The following ERC2 variants were observed in gnomAD, a reference collection of about 807,000 sequenced individuals.
ERC2 encodes ERC protein 2.
A neutral mutation model predicts 114.8 loss-of-function variants in ERC2; 42 were observed. The observed-to-expected ratio is 0.37, with a 90% CI of 0.29 to 0.47. The LOEUF (loss-of-function observed/expected upper bound fraction) is 0.47, where lower values mean the gene tolerates loss of function less well. Ranked by LOEUF, ERC2 falls within the 20% of genes least tolerant of loss-of-function variation. The pLI, the probability that ERC2 is intolerant of heterozygous loss-of-function variation, is 0.99. For missense variants in ERC2, 939 were observed against 1,150.7 expected (o/e 0.82, Z 2.66); for synonymous variants, 454 against 425.5 (o/e 1.07, Z -0.82).
chr3:56,246,093 TAAAAAA>T (rs34868223), intron 3 of ERC2, among the ~76,000 whole-genome samples: 1 of 127,620 alleles, frequency 7.8e-6, no homozygotes, highest in African/African-American at 2.8e-5. Flanking sequence ...TCAGATTCTT[TAAAAAA>T]AAAAAAAAAA....
chr3:56,334,811 G>C (rs1029743798), intron 2 of ERC2, among the ~76,000 whole-genome samples: 7 of 152,070 alleles, frequency 4.6e-5, no homozygotes, highest in African/African-American at 1.7e-4. Flanking sequence ...TTGTTTGTTT[G>C]TTTGTTTGTT....
At chr3:55,995,740 A>G (rs1328702968) in intron 10 of ERC2, among the ~76,000 whole-genome samples, 1 of 152,176 alleles carries the variant, frequency 6.6e-6, no homozygotes, top group East Asian at 1.9e-4. Context: ...CTGAGTCACA[A>G]CTTTTCAGAG....
At chr3:55,952,176 C>CTATATATAT (rs1324752720) in intron 12 of ERC2, among the ~76,000 whole-genome samples, 40 of 44,982 alleles carry the variant, frequency 8.9e-4, no homozygotes, top group South Asian at 2.2e-3. Context: ...CACACACACA[C>CTATATATAT]ACACTCTCTC....
intron 2 of ERC2, among the ~76,000 whole-genome samples, chr3:56,329,790 T>G (rs2057521343): frequency 1.2e-5 from 1 of 82,496 alleles, no homozygotes; most frequent in Non-Finnish European, 3.1e-5. Context: ...GTATTTCCAC[T>G]ATATATATAT....
chr3:56,349,590 G>A lies in ERC2; in HGVS notation c.658-53155C>T, dbSNP rs374833064. The stretch of plus-strand genomic sequence containing the variant: ...CAGGGCCTACTTGAGGGTTGAGGGT[G>A]GGAGGAGGATGAGGATCGAAAAACT... On this transcript the variant is annotated intron_variant, in intron 2 of 17. Transcript: ENST00000288221. 1.5e-4 allele frequency among the ~76,000 whole-genome samples: 23 copies of A among 152,322 alleles called. No homozygotes were observed. In the East Asian group the frequency reaches 2.9e-3, roughly 19 times the overall value.
At chr3:55,663,985 C>G (rs2061250074) in intron 17 of ERC2, among the ~76,000 whole-genome samples, 1 of 152,174 alleles carries the variant, frequency 6.6e-6, no homozygotes, top group African/African-American at 2.4e-5. Flanking sequence ...AGATGCTCAG[C>G]CACTAACTCA....
intron 15 of ERC2, among the ~76,000 whole-genome samples, chr3:55,731,204 C>A (rs1348852253): frequency 6.6e-6 from 1 of 152,170 alleles, no homozygotes; most frequent in Non-Finnish European, 1.5e-5. Flanking sequence ...GAGAGGAGGA[C>A]CAGGAAGCTT....
intron 14 of ERC2, among the ~76,000 whole-genome samples, chr3:55,737,725 G>T (rs2065725977): frequency 6.6e-6 from 1 of 152,144 alleles, no homozygotes. Flanking sequence ...TATGTTTGTT[G>T]AGAAACAATT....
At chr3:56,281,456 A>AAAAAAAAAT (rs2054343017) in intron 3 of ERC2, among the ~76,000 whole-genome samples, 1 of 149,232 alleles carries the variant, frequency 6.7e-6, no homozygotes, top group Non-Finnish European at 1.5e-5. Flanking sequence ...AAAAAAAAAA[A>AAAAAAAAAT]AAAAGTATAG....
intron 3 of ERC2, among the ~76,000 whole-genome samples, chr3:56,176,023 T>C (rs981114022): frequency 6.6e-6 from 1 of 152,202 alleles, no homozygotes; most frequent in Non-Finnish European, 1.5e-5. Context: ...AAAAATCTAC[T>C]TGGTCCTCAA....
chr3:55,637,067 A>T (rs2059988041), intron 17 of ERC2, among the ~76,000 whole-genome samples: 1 of 152,050 alleles, frequency 6.6e-6, no homozygotes, highest in Non-Finnish European at 1.5e-5. Context: ...TCTCCTGGGG[A>T]CTGGCCCATC....
intron 6 of ERC2, among the ~76,000 whole-genome samples, chr3:56,121,595 T>G (rs1036430913): frequency 2.0e-5 from 3 of 152,200 alleles, no homozygotes; most frequent in African/African-American, 7.2e-5. Context: ...TCTGTGCAGT[T>G]AAATATTTTT....
chr3:56,195,044 G>C (rs2048012436), intron 3 of ERC2, among the ~76,000 whole-genome samples: 1 of 152,152 alleles, frequency 6.6e-6, no homozygotes, highest in South Asian at 2.1e-4. Flanking sequence ...TTACAAATTA[G>C]ACACAGTAAG....
intron 2 of ERC2, among the ~76,000 whole-genome samples, chr3:56,334,064 A>G (rs1024405223): frequency 1.3e-5 from 2 of 152,212 alleles, no homozygotes; most frequent in Admixed American, 6.5e-5. Context: ...AAAAGCAACC[A>G]TCTAGTGGAC....
intron 3 of ERC2, among the ~76,000 whole-genome samples, chr3:56,293,755 T>C (rs1243669483): frequency 2.0e-5 from 3 of 152,204 alleles, no homozygotes; most frequent in Non-Finnish European, 4.4e-5. Flanking sequence ...CAAACTGGTG[T>C]TTAGGGATCT....
chr3:56,070,750 G>T (rs80321019), intron 7 of ERC2, among the ~76,000 whole-genome samples: 1 of 152,300 alleles, frequency 6.6e-6, no homozygotes, highest in Admixed American at 6.5e-5. Context: ...ATTGCTAGAA[G>T]ACGTAAAGAA....
At chr3:56,107,622 C>A (rs2078741064) in intron 6 of ERC2, among the ~76,000 whole-genome samples, 1 of 152,102 alleles carries the variant, frequency 6.6e-6, no homozygotes, top group Non-Finnish European at 1.5e-5. Flanking sequence ...GAAACTATTC[C>A]CCATCACCAA....
At chr3:56,247,833 T>C (rs1441059491) in intron 3 of ERC2, among the ~76,000 whole-genome samples, 1 of 152,212 alleles carries the variant, frequency 6.6e-6, no homozygotes, top group Non-Finnish European at 1.5e-5. Context: ...AGCAAGTTAT[T>C]TCCTCCCACT....
At chr3:55,932,321 A>G (rs865878971) in intron 13 of ERC2, among the ~76,000 whole-genome samples, 11 of 152,296 alleles carry the variant, frequency 7.2e-5, no homozygotes, top group African/African-American at 2.2e-4. Context: ...AAGCAGATGA[A>G]GGCAATAATG....
Sources: allele counts gnomAD v4.1 joint callset (sites outside exome capture counted in the v4.1 genomes callset), GRCh38; gene constraint gnomAD v4.1.1; transcripts MANE v1.5; gene names NCBI Gene and HGNC (gene_info 2026-07-23, HGNC 2026-07-21).